Variants in ASTN1 observed in about 807,000 individuals in gnomAD.
ASTN1 encodes astrotactin-1.
Under a neutral mutation model 140.7 loss-of-function variants are expected in ASTN1, and 41 were observed. The ratio of observed to expected loss-of-function variants is 0.29; its 90% CI spans 0.23 to 0.38. ASTN1 has a LOEUF of 0.38. Ranked by LOEUF, ASTN1 falls within the 10% of genes least tolerant of loss-of-function variation. ASTN1 has a pLI of 1.00. For synonymous variants in ASTN1, 640 were observed against 652.2 expected (o/e 0.98, Z 0.29); for missense variants, 1,479 against 1,678.8 (o/e 0.88, Z 2.08).
In ASTN1 at chr1:177,032,553, C is replaced by G. The variant is rs1676495291; in HGVS notation, c.768G>C (p.Glu256Asp). ...ITDLRHHLQRECMNGGEDFAS... is the reference protein window; with the variant it reads ...ITDLRHHLQRDCMNGGEDFAS... ...CAAAGTCCTCCCCTCCGTTCATGCA[C>G]TCCCTCTGCAGATGGTGGCGCAGAT... Residue 256 changes from glutamate (E) to aspartate (D), a missense_variant, in exon 3 of 23, where the codon GAG (glutamate) becomes GAC (aspartate). Transcript: ENST00000361833. 1 of 1,614,222 alleles carries G rather than the reference C, an allele frequency of 6.2e-7. No individual in the cohort carries two copies. The highest frequency in any genetic ancestry group is 8.5e-7 in the Non-Finnish European group (1 of 1,180,032).
chr1:177,004,079 C>T (rs998727053), intron 8 of ASTN1, among the ~76,000 whole-genome samples: 3 of 152,200 alleles, frequency 2.0e-5, no homozygotes, highest in Non-Finnish European at 4.4e-5. Context: ...CTAGAAAACC[C>T]TAAAATTTCC....
chr1:177,107,345 A>G (rs1383574920), intron 1 of ASTN1, among the ~76,000 whole-genome samples: 1 of 152,204 alleles, frequency 6.6e-6, no homozygotes, highest in Non-Finnish European at 1.5e-5. Flanking sequence ...AATAACATAA[A>G]ACCCAAATTA....
chr1:177,025,685 AC>A (rs1292788156), intron 5 of ASTN1, among the ~76,000 whole-genome samples: 4 of 152,060 alleles, frequency 2.6e-5, no homozygotes, highest in Admixed American at 2.0e-4. Context: ...TTTTTTACGT[AC>A]CTTATTTTAT....
At chr1:177,163,646 C>T (rs1237138112) in intron 1 of ASTN1, among the ~76,000 whole-genome samples, 1 of 152,158 alleles carries the variant, frequency 6.6e-6, no homozygotes, top group Non-Finnish European at 1.5e-5. Flanking sequence ...TGCAGGAATG[C>T]CTACGCCTAT....
intron 8 of ASTN1, among the ~76,000 whole-genome samples, chr1:177,005,958 A>G (rs753155683): frequency 6.6e-6 from 1 of 152,190 alleles, no homozygotes; most frequent in Non-Finnish European, 1.5e-5. Context: ...CCAAGTGTTC[A>G]GTGACATTTA....
At chr1:177,160,727 G>A (rs1647308290) in intron 1 of ASTN1, among the ~76,000 whole-genome samples, 2 of 152,310 alleles carry the variant, frequency 1.3e-5, no homozygotes, top group East Asian at 1.9e-4. Flanking sequence ...AATATTAGTT[G>A]ACTAATTTGG....
Position 177,061,126 on chromosome 1 carries a change from T to C in ASTN1, c.423A>G (p.Gln141=), listed in dbSNP as rs1678063016. 2 of 1,611,636 alleles carry C rather than the reference T, an allele frequency of 1.2e-6. No individual in the cohort carries two copies. Among genetic ancestry groups the C allele is most frequent in the South Asian group, 2.2e-5 (2 of 90,538 alleles). The change falls in exon 2 of 23, where the codon CAA becomes CAG. Residue 141 remains glutamine (Q), a synonymous_variant. Transcript: ENST00000361833. ...LPGQDPTEEP[Q]HESAEEELRI... ...TCAGCTCCTCTTCTGCCGACTCATG[T>C]TGGGGTTCTTCAGTGGGGTCTTGTC...
intron 8 of ASTN1, among the ~76,000 whole-genome samples, chr1:176,987,055 C>T (rs935250839): frequency 3.3e-5 from 5 of 152,082 alleles, no homozygotes; most frequent in Non-Finnish European, 7.4e-5. Context: ...GGGTGGGGTG[C>T]TACATGTACA....
Position 176,863,954 on chromosome 1 carries a change from C to T in ASTN1, c.*330G>A. 6 of 1,105,890 alleles carry T rather than the reference C, an allele frequency of 5.4e-6. No homozygotes were observed. Among genetic ancestry groups the T allele is most frequent in the Non-Finnish European group, 6.6e-6 (6 of 903,110 alleles). The allele number at this position is 1,105,890 out of a possible 1,614,324, so 68.5% of individuals were successfully genotyped here. On this transcript the variant is annotated 3_prime_UTR_variant, in exon 23 of 23. Transcript: ENST00000361833. ...TACTTAATAGACTTTTCATGGGGAG[C>T]ACGGCAGAGCTCTTGAGCATTTTGG...
chr1:177,149,345 G>A (rs1356970724), intron 1 of ASTN1, among the ~76,000 whole-genome samples: 6 of 64,664 alleles, frequency 9.3e-5, no homozygotes, highest in Admixed American at 5.1e-4. Flanking sequence ...TATATATATA[G>A]TATATATATA....
Position 177,061,274 on chromosome 1 carries a change from T to C in ASTN1, c.284-9A>G, listed in dbSNP as rs1008624184. On this transcript the variant is annotated splice_polypyrimidine_tract_variant and intron_variant, in intron 1 of 22. Coordinates refer to ENST00000361833, the MANE Select transcript of ASTN1 (RefSeq NM_004319.3). The stretch of plus-strand genomic sequence containing the variant: ...TGTGTTCCCTGAGATCTCTAGAAGA[T>C]GAACACCAAAGGCACAGGTGAGAAT... 2 of 1,506,010 alleles carry C rather than the reference T, an allele frequency of 1.3e-6. No individual in the cohort carries two copies. Among genetic ancestry groups the C allele is most frequent in the African/African-American group, 2.8e-5 (2 of 71,322 alleles). The allele number at this position is 1,506,010 out of a possible 1,614,324, so 93.3% of individuals were successfully genotyped here.
chr1:177,071,493 G>A (rs536383728), intron 1 of ASTN1, among the ~76,000 whole-genome samples: 8 of 152,332 alleles, frequency 5.3e-5, no homozygotes, highest in Admixed American at 5.2e-4. Flanking sequence ...ATGCCAAGAA[G>A]TACTGCACTC....
chr1:176,875,155 T>C (rs1356848814), intron 21 of ASTN1, among the ~76,000 whole-genome samples: 4 of 152,204 alleles, frequency 2.6e-5, no homozygotes, highest in East Asian at 3.8e-4. Flanking sequence ...GATCTGAGAT[T>C]TGCAGAATAA....
At chr1:176,999,549 A>AGTTCAACCTTCAGGAAG (rs1674618658) in intron 8 of ASTN1, among the ~76,000 whole-genome samples, 1 of 152,248 alleles carries the variant, frequency 6.6e-6, no homozygotes, top group Non-Finnish European at 1.5e-5. Context: ...TAAGGGGTTA[A>AGTTCAACCTTCAGGAAG]GTTCAACCTT....
At chr1:177,083,827 C>T (rs1414965519) in intron 1 of ASTN1, among the ~76,000 whole-genome samples, 2 of 152,192 alleles carry the variant, frequency 1.3e-5, no homozygotes, top group Non-Finnish European at 1.5e-5. Context: ...GAAGTCCTAA[C>T]ACCACCTGGC....
At chr1:177,020,782 T>C (rs1675784056) in intron 7 of ASTN1, among the ~76,000 whole-genome samples, 2 of 152,128 alleles carry the variant, frequency 1.3e-5, no homozygotes, top group Non-Finnish European at 2.9e-5. Flanking sequence ...GGGATGCTCT[T>C]AGGAAGGATG....
chr1:176,992,775 G>A (rs564001368), intron 8 of ASTN1, among the ~76,000 whole-genome samples: 2 of 152,266 alleles, frequency 1.3e-5, no homozygotes, highest in African/African-American at 2.4e-5. Flanking sequence ...CATCAATCAT[G>A]TAGCACTATT....
At chr1:177,057,217 A>C (rs966685172) in intron 2 of ASTN1, among the ~76,000 whole-genome samples, 3 of 146,974 alleles carry the variant, frequency 2.0e-5, no homozygotes, top group Non-Finnish European at 3.0e-5. Flanking sequence ...TAAGAAAAGC[A>C]AAAGGTTTTT....
At chr1:176,956,544 A>G (rs1672414140) in intron 11 of ASTN1, among the ~76,000 whole-genome samples, 1 of 152,154 alleles carries the variant, frequency 6.6e-6, no homozygotes, top group African/African-American at 2.4e-5. Context: ...GAGATGGGGC[A>G]CCATATCCTC....
Sources: allele counts gnomAD v4.1 joint callset (sites outside exome capture counted in the v4.1 genomes callset), GRCh38; gene constraint gnomAD v4.1.1; transcripts MANE v1.5; gene names NCBI Gene and HGNC (gene_info 2026-07-23, HGNC 2026-07-21).